RNF10: variants seen among roughly 807,000 people sequenced by gnomAD.
The protein encoded by RNF10 is E3 ubiquitin-protein ligase RNF10.
A neutral mutation model predicts 91.4 loss-of-function variants in RNF10; 38 were observed. The ratio of observed to expected loss-of-function variants is 0.42; its 90% confidence interval spans 0.32 to 0.54. The LOEUF (loss-of-function observed/expected upper bound fraction) is 0.54, where lower values mean the gene tolerates loss of function less well. Among genes scored for constraint, RNF10 ranks in the 20% least tolerant of loss-of-function variants. The probability of loss-of-function intolerance (pLI) is 0.16; values close to 1 mark genes in which losing one functional copy is unlikely to be tolerated. For synonymous variants in RNF10, 364 were observed against 366.3 expected (o/e 0.99, Z 0.07); for missense variants, 945 against 1,012.0 (o/e 0.93, Z 0.90).
At chr12:120,562,271 CTT>C (rs71076634) in intron 7 of RNF10, among the ~76,000 whole-genome samples, 6 of 100,122 alleles carry the variant, frequency 6.0e-5, no homozygotes, top group Admixed American at 1.5e-4. Context: ...TTCTTTCTTT[CTT>C]TTTTTTTTTT....
At position 120,576,802 on chromosome 12, in the gene RNF10, A is replaced by G. The variant is rs1565977022; in HGVS notation, c.*136A>G. On this transcript the variant is annotated 3_prime_UTR_variant, in exon 17 of 17. Coordinates refer to ENST00000325954, the MANE Select transcript of RNF10 (RefSeq NM_014868.5). ...GCTCTGGGGGGAGGGGGTTTCCACA[A>G]TGTGAGGGGGAACCAAGAAAATTTT... 16 of 1,169,792 alleles carry G rather than the reference A, an allele frequency of 1.4e-5. No individual in the cohort carries two copies. Among genetic ancestry groups the G allele is most frequent in the East Asian group, 1.3e-4 (5 of 38,158 alleles). 72.5% of individuals were successfully genotyped at this position (1,169,792 alleles called of 1,614,324 possible).
rs759679169 is a variant in RNF10, at chr12:120,534,877, C to A, written c.66C>A (p.Asn22Lys). 1 of 1,608,486 alleles carries A rather than the reference C, an allele frequency of 6.2e-7. No homozygotes were observed. The highest frequency in any genetic ancestry group is 2.2e-5 in the East Asian group (1 of 44,816). ...ASDMDKNSGS[N>K]SSSASSGSSK... ...ACATGGACAAGAACAGCGGCTCCAA[C>A]AGCTCCTCCGCCTCTTCGGGCAGCA... Residue 22 changes from asparagine to lysine, a missense_variant, in exon 1 of 17, where the codon AAC (asparagine) becomes AAA (lysine). Asn to Lys is a moderately conservative substitution (Grantham distance 94). Coordinates refer to ENST00000325954, the MANE Select transcript of RNF10 (RefSeq NM_014868.5).
In RNF10 at chr12:120,563,515, G is replaced by A. The variant is rs753043189; in HGVS notation, c.1423G>A (p.Asp475Asn). 17 of 1,614,172 alleles carry A rather than the reference G, an allele frequency of 1.1e-5. No homozygotes were observed. The highest frequency in any genetic ancestry group is 1.4e-5 in the Non-Finnish European group (17 of 1,180,026). Residue 475 changes from aspartate (D) to asparagine (N), a missense_variant, in exon 9 of 17, where the codon GAC (aspartate) becomes AAC (asparagine). Asp to Asn is a conservative substitution (Grantham distance 23, BLOSUM62 1). Transcript: ENST00000325954. The stretch of plus-strand genomic sequence containing the variant: ...CTGTGATGACTTGGAGTTAGCAGAT[G>A]ACAATCTTAAAGAGGGGACCATTTG... Reference protein sequence around the residue: ...EACDDLELADDNLKEGTICTE... With the variant: ...EACDDLELADNNLKEGTICTE...
In RNF10 at chr12:120,576,793, G is replaced by T; in HGVS notation, c.*127G>T. 1 of 1,323,586 alleles carries T rather than the reference G, an allele frequency of 7.6e-7. No individual in the cohort carries two copies. The highest frequency in any genetic ancestry group is 1.0e-6 in the Non-Finnish European group (1 of 974,464). 82.0% of individuals were successfully genotyped at this position (1,323,586 alleles called of 1,614,324 possible). ...AACAGATTAGCTCTGGGGGGAGGGG[G>T]TTTCCACAATGTGAGGGGGAACCAA... On this transcript the variant is annotated 3_prime_UTR_variant, in exon 17 of 17. Transcript: ENST00000325954.
chr12:120,561,624 G>A lies in RNF10; in HGVS notation c.1128+738G>A, dbSNP rs117382618. Among the ~76,000 whole-genome samples the A allele has an allele frequency of 2.3e-3, 346 of 152,314 alleles. 2 individuals are homozygous for A. Among genetic ancestry groups the A allele is most frequent in the Non-Finnish European group, 3.9e-3 (266 of 68,028 alleles). On this transcript the variant is annotated intron_variant, in intron 7 of 16. Transcript: ENST00000325954. ...CACATTTATCTCACTTAAGCTTCTA[G>A]TGTGGTAGATAGAACTATCCCCTTT...
intron 1 of RNF10, among the ~76,000 whole-genome samples, chr12:120,539,056 C>T (rs965353362): frequency 6.6e-6 from 1 of 152,036 alleles, no homozygotes; most frequent in African/African-American, 2.4e-5. Context: ...TTGACAGGAA[C>T]GCTTTGGATT....
At chr12:120,566,079 G>A (rs780875958) in intron 12 of RNF10, among the ~76,000 whole-genome samples, 11 of 152,210 alleles carry the variant, frequency 7.2e-5, no homozygotes, top group Non-Finnish European at 1.3e-4. Flanking sequence ...AAGGAACTGA[G>A]TCCTTGGCCC....
intron 1 of RNF10, 25 bp downstream of exon 1, chr12:120,534,993 G>A: frequency 6.4e-7 from 1 of 1,572,372 alleles, no homozygotes; most frequent in Non-Finnish European, 8.6e-7. Context: ...GCGGCAGTGG[G>A]CGGGGGCGAC....
At position 120,534,849 on chromosome 12, in the gene RNF10, C is replaced by G; in HGVS notation, c.38C>G (p.Ser13Cys). 6.2e-7 allele frequency: 1 copy of G among 1,606,266 alleles called. No individual in the cohort carries two copies. Among genetic ancestry groups the G allele is most frequent in the Non-Finnish European group, 8.5e-7 (1 of 1,179,184 alleles). Residue 13 changes from serine to cysteine, a missense_variant, in exon 1 of 17, where the codon TCC becomes TGC. By Grantham distance (112) the Ser-to-Cys change is moderately radical. Coordinates refer to ENST00000325954, the MANE Select transcript of RNF10 (RefSeq NM_014868.5). ...LSSPNAAATA[S>C]DMDKNSGSNS... ...TCCCCCAACGCCGCCGCCACCGCCT[C>G]CGACATGGACAAGAACAGCGGCTCC...
Position 120,534,706 on chromosome 12 carries a change from G to A in RNF10, c.-106G>A, listed in dbSNP as rs558453334. On this transcript the variant is annotated 5_prime_UTR_variant, in exon 1 of 17. Coordinates refer to ENST00000325954, the MANE Select transcript of RNF10 (RefSeq NM_014868.5). ...AGGGAAAAATGTCGCCATGAAGGCC[G>A]AGAACCGCTGCCGCCGCCGACCCCC... is the stretch of plus-strand genomic sequence containing the variant. The A allele has an allele frequency of 2.5e-4, 350 of 1,401,552 alleles. 1 individual carries two copies. The African/African-American group carries it at 4.5e-3, about 18-fold the overall frequency. 86.8% of individuals were successfully genotyped at this position (1,401,552 alleles called of 1,614,324 possible). A position where few individuals can be genotyped will look rare whatever the true frequency, so the allele number is the denominator to read the frequency against.
chr12:120,535,797 G>A (rs765461181), intron 1 of RNF10, among the ~76,000 whole-genome samples: 26 of 151,982 alleles, frequency 1.7e-4, no homozygotes, highest in Admixed American at 7.9e-4. Context: ...TTTAATTGAG[G>A]GCTTACCATG....
rs572048755 is a variant in RNF10 at position 120,546,499 on chromosome 12, C to T, written c.252C>T (p.Ser84=). 2 of 1,614,192 alleles carry T rather than the reference C, an allele frequency of 1.2e-6. No homozygotes were observed. The highest frequency in any genetic ancestry group is 2.2e-5 in the East Asian group (1 of 44,888). ...GTTTTAACAACCAGTCCCGTCGCTC[C>T]AGTTCACAGAAAAGCAAGACTTTTA... ...NESFNNQSRR[S]SSQKSKTFNK... Residue 84 remains serine, a synonymous_variant, in exon 2 of 17, where the codon TCC becomes TCT. Transcript: ENST00000325954.
At position 120,546,444 on chromosome 12, in the gene RNF10, A is replaced by G. The variant is rs1399861622; in HGVS notation, c.197A>G (p.Lys66Arg). ...AGTGGATCCAAGCGTTATAATCGCA[A>G]ACGTGAACTTTCCTACCCCAAAAAT... is the stretch of plus-strand genomic sequence containing the variant. ...NSSGSKRYNR[K>R]RELSYPKNES... The change falls in exon 2 of 17, where the codon AAA becomes AGA. Residue 66 changes from lysine to arginine, a missense_variant. Lys to Arg is a conservative substitution (Grantham distance 26, BLOSUM62 2). Coordinates refer to ENST00000325954, the MANE Select transcript of RNF10 (RefSeq NM_014868.5). The G allele has an allele frequency of 1.2e-6, 2 of 1,614,014 alleles. No individual in the cohort carries two copies. Among genetic ancestry groups the G allele is most frequent in the Admixed American group, 3.3e-5 (2 of 59,940 alleles).
chr12:120,544,121 G>A (rs539904083), intron 1 of RNF10, among the ~76,000 whole-genome samples: 2 of 152,018 alleles, frequency 1.3e-5, no homozygotes, highest in African/African-American at 4.8e-5. Flanking sequence ...TAGCTACTTG[G>A]GAGGCCAAGG....
At chr12:120,566,779 AT>A (rs1483066882) in intron 12 of RNF10, 45 bp from the exon 13 acceptor site, 43 of 1,488,324 alleles carry the variant, frequency 2.9e-5, no homozygotes, top group East Asian at 7.2e-5. Context: ...AAAAAAAAAA[AT>A]TGAATTCTGT....
At chr12:120,548,300 T>C (rs1020224912) in intron 2 of RNF10, among the ~76,000 whole-genome samples, 20 of 152,166 alleles carry the variant, frequency 1.3e-4, no homozygotes, top group African/African-American at 4.6e-4. Flanking sequence ...TGCTTAAAGC[T>C]GTGGAACTAA....
chr12:120,563,946 G>A lies in RNF10; in HGVS notation c.1665+3G>A. 6.2e-7 allele frequency: 1 copy of A among 1,614,126 alleles called. No homozygotes were observed. ...TTGCTGGCTACTCCATGTCTGAGGT[G>A]AGGCCTTCCTGTAGAAATGGAGGGT... On this transcript the variant is annotated splice_donor_region_variant and intron_variant, in intron 10 of 16. Coordinates refer to ENST00000325954, the MANE Select transcript of RNF10 (RefSeq NM_014868.5).
chr12:120,553,401 CTTTTT>C (rs1243050601), intron 3 of RNF10, among the ~76,000 whole-genome samples: 1 of 95,060 alleles, frequency 1.1e-5, no homozygotes, highest in Non-Finnish European at 2.1e-5. Context: ...AAGAGGAATT[CTTTTT>C]TTTTTTTTTT....
Position 120,566,894 on chromosome 12 carries a change from C to T in RNF10, c.1955C>T (p.Ser652Phe). 1 of 1,614,042 alleles carries T rather than the reference C, an allele frequency of 6.2e-7. No individual in the cohort carries two copies. The highest frequency in any genetic ancestry group is 8.5e-7 in the Non-Finnish European group (1 of 1,179,938). The change falls in exon 13 of 17, where the codon TCT becomes TTT. Residue 652 changes from serine (S) to phenylalanine (F), a missense_variant. Coordinates refer to ENST00000325954, the MANE Select transcript of RNF10 (RefSeq NM_014868.5). ...GCCTTCAATTCTTATACCTGCTCCT[C>T]TGATTCTGCTTTGGGTCCCACCAGC... ...FPAFNSYTCS[S>F]DSALGPTSTE...
Sources: allele counts gnomAD v4.1 joint callset (sites outside exome capture counted in the v4.1 genomes callset), GRCh38; gene constraint gnomAD v4.1.1; transcripts MANE v1.5; gene names NCBI Gene and HGNC (gene_info 2026-07-23, HGNC 2026-07-21).